Variants in REV3L observed in about 807,000 individuals in gnomAD.
The protein encoded by REV3L is DNA polymerase zeta catalytic subunit.
Under a neutral mutation model 299.4 loss-of-function variants are expected in REV3L, and 69 were observed. The observed-to-expected ratio is 0.23, with a 90% CI of 0.19 to 0.28. The LOEUF (loss-of-function observed/expected upper bound fraction) is 0.28. Among genes scored for constraint, REV3L ranks in the 10% least tolerant of loss-of-function variants. The pLI, the probability that REV3L is intolerant of heterozygous loss-of-function variation, is 1.00. For missense variants in REV3L, 3,128 were observed against 3,693.8 expected, an observed-to-expected ratio of 0.85 and a Z score of 3.97; for synonymous variants, 1,238 against 1,271.4, an observed-to-expected ratio of 0.97 and a Z score of 0.56.
At position 111,372,809 on chromosome 6, in the gene REV3L, G is replaced by A. The variant is rs1229976261; in HGVS notation, c.5546C>T (p.Thr1849Ile). Reference protein sequence around the residue: ...LYVSRNNDMLTPTPDSSPRST... With the variant: ...LYVSRNNDMLIPTPDSSPRST... ...TCTTGGTGAACTATCAGGAGTTGGTGTCAACATATCATTGTTTCTTGAAAC... is the reference window on the plus strand; with the variant it reads ...TCTTGGTGAACTATCAGGAGTTGGTATCAACATATCATTGTTTCTTGAAAC... Residue 1849 changes from threonine (T) to isoleucine (I), a missense_variant, in exon 13 of 32, where the codon ACA (threonine) becomes ATA (isoleucine). Thr to Ile is a moderately conservative substitution (Grantham distance 89). This residue lies in a region of REV3L where 2,409 missense variants were observed against 2,611.8 expected (regional missense o/e 0.92). Coordinates refer to ENST00000368802, the MANE Select transcript of REV3L (RefSeq NM_001372078.1). The A allele has an allele frequency of 6.2e-7, 1 of 1,613,624 alleles. No homozygotes were observed. Among genetic ancestry groups the A allele is most frequent in the Non-Finnish European group, 8.5e-7 (1 of 1,179,750 alleles).
chr6:111,311,096 G>A lies in REV3L; in HGVS notation c.8768C>T (p.Ala2923Val), dbSNP rs1772923341. 1.2e-6 allele frequency: 2 copies of A among 1,613,424 alleles called. No homozygotes were observed. The highest frequency in any genetic ancestry group is 1.7e-6 in the Non-Finnish European group (2 of 1,179,756). ...TGTAAGTTCAAGGGCTGGCACACAAGCTCCTGGTTTATAAGAAAAACTTCC... is the reference window on the plus strand; with the variant it reads ...TGTAAGTTCAAGGGCTGGCACACAAACTCCTGGTTTATAAGAAAAACTTCC... ...YRGSFSYKPGACVPALELTRK... is the reference protein window; with the variant it reads ...YRGSFSYKPGVCVPALELTRK... The change falls in exon 29 of 32, where the codon GCT (alanine) becomes GTT (valine). Residue 2923 changes from alanine (A) to valine (V), a missense_variant. By Grantham distance (64) the Ala-to-Val change is moderately conservative. Coordinates refer to ENST00000368802, the MANE Select transcript of REV3L (RefSeq NM_001372078.1).
At chr6:111,384,215 C>A (rs1032963277) in intron 9 of REV3L, among the ~76,000 whole-genome samples, 93 of 152,042 alleles carry the variant, frequency 6.1e-4, no homozygotes, top group African/African-American at 2.2e-3. Flanking sequence ...GGGAAATATC[C>A]CCAAAGCACA....
At chr6:111,404,456 T>A (rs956764732) in intron 4 of REV3L, among the ~76,000 whole-genome samples, 11 of 152,198 alleles carry the variant, frequency 7.2e-5, no homozygotes, top group African/African-American at 2.4e-4. Context: ...AGCCCATGGG[T>A]CAAAGAGTAA....
chr6:111,461,796 A>T (rs1325190056), intron 1 of REV3L, among the ~76,000 whole-genome samples: 2 of 152,196 alleles, frequency 1.3e-5, no homozygotes, highest in East Asian at 3.9e-4. Flanking sequence ...ATAAATAAGC[A>T]AACCGCGGAG....
At chr6:111,426,244 G>C (rs577468731) in intron 1 of REV3L, among the ~76,000 whole-genome samples, 2 of 152,216 alleles carry the variant, frequency 1.3e-5, no homozygotes, top group African/African-American at 4.8e-5. Context: ...AGAAAACCGA[G>C]AATTTGTTAC....
intron 2 of REV3L, among the ~76,000 whole-genome samples, chr6:111,412,602 A>G (rs1784357479): frequency 1.3e-5 from 2 of 152,128 alleles, no homozygotes; most frequent in South Asian, 2.1e-4. Context: ...TATGACAGGC[A>G]GCAGATAATA....
chr6:111,357,920 A>ACCCT (rs1184160637), intron 17 of REV3L, among the ~76,000 whole-genome samples: 1 of 148,956 alleles, frequency 6.7e-6, no homozygotes, highest in Non-Finnish European at 1.5e-5. Context: ...ACTGATTTCC[A>ACCCT]ACTGCCAAAG....
intron 1 of REV3L, chr6:111,431,700 G>T: frequency 1.0e-6 from 1 of 959,816 alleles, no homozygotes. Context: ...CCCCCGTCAT[G>T]GAAAACAACT....
chr6:111,445,348 CA>C (rs1330743157), intron 1 of REV3L, among the ~76,000 whole-genome samples: 2 of 152,024 alleles, frequency 1.3e-5, no homozygotes, highest in Non-Finnish European at 2.9e-5. Context: ...ACCCATGTAA[CA>C]AACCTGAATA....
At chr6:111,450,441 T>C (rs1001980113) in intron 1 of REV3L, among the ~76,000 whole-genome samples, 2 of 127,116 alleles carry the variant, frequency 1.6e-5, no homozygotes, top group Non-Finnish European at 3.1e-5. Context: ...CTTGTGCCAT[T>C]GCACTCCAGC....
chr6:111,315,089 A>G (rs1394461637), intron 27 of REV3L, among the ~76,000 whole-genome samples, 178 bp downstream of exon 27: 1 of 151,910 alleles, frequency 6.6e-6, no homozygotes, highest in Non-Finnish European at 1.5e-5. Flanking sequence ...GTCTCAAGCA[A>G]CCCTCCTGCT....
chr6:111,390,029 C>CG (rs11376056), intron 6 of REV3L, 57 bp downstream of exon 6: 966,697 of 1,260,538 alleles, frequency 0.77, 380,311 homozygotes, highest in Non-Finnish European at 0.82. Flanking sequence ...CCACCACACC[C>CG]GCCGGTCATT....
In REV3L at chr6:111,405,633, A is replaced by G; in HGVS notation, c.405-3T>C. Reference sequence around the variant, plus strand: ...CGCTTTGCAAAAGTTCACATATCCTAAATTAGAAAAAAAAAGTTTTATCAT... The same window carrying G: ...CGCTTTGCAAAAGTTCACATATCCTGAATTAGAAAAAAAAAGTTTTATCAT... On this transcript the variant is annotated splice_polypyrimidine_tract_variant and splice_region_variant and intron_variant, in intron 3 of 31. Coordinates refer to ENST00000368802, the MANE Select transcript of REV3L (RefSeq NM_001372078.1). The G allele has an allele frequency of 1.3e-6, 2 of 1,568,042 alleles. No homozygotes were observed. Among genetic ancestry groups the G allele is most frequent in the East Asian group, 4.6e-5 (2 of 43,912 alleles).
intron 3 of REV3L, among the ~76,000 whole-genome samples, chr6:111,405,989 C>G (rs756812030): frequency 6.6e-6 from 1 of 151,992 alleles, no homozygotes; most frequent in Non-Finnish European, 1.5e-5. Context: ...TACTTATAAT[C>G]CCACCACTCA....
intron 31 of REV3L, among the ~76,000 whole-genome samples, chr6:111,306,878 C>T (rs1031032647): frequency 7.2e-5 from 11 of 152,222 alleles, no homozygotes; most frequent in East Asian, 1.9e-4. Context: ...TTATTTGAAA[C>T]GCTTAAGACC....
At chr6:111,449,082 C>T (rs1026648298) in intron 1 of REV3L, among the ~76,000 whole-genome samples, 6 of 152,074 alleles carry the variant, frequency 3.9e-5, no homozygotes, top group African/African-American at 1.4e-4. Context: ...ACTTTAAAAA[C>T]GAGTAGGCAG....
At chr6:111,310,173 A>C in intron 29 of REV3L, 74 bp from the exon 30 acceptor site, 3 of 1,444,420 alleles carry the variant, frequency 2.1e-6, no homozygotes, top group Non-Finnish European at 2.8e-6. Context: ...ATTAAGTCAG[A>C]ATTAAACAAT....
chr6:111,377,729 C>A lies in REV3L; in HGVS notation c.1569G>T (p.Gln523His). 6.2e-7 allele frequency: 1 copy of A among 1,613,556 alleles called. No homozygotes were observed. The highest frequency in any genetic ancestry group is 8.5e-7 in the Non-Finnish European group (1 of 1,179,818). Residue 523 changes from glutamine to histidine, a missense_variant, in exon 12 of 32, where the codon CAG becomes CAT. Physicochemically the swap from Gln to His is conservative, Grantham distance 24. Around this residue, in one of 9 missense-constraint regions of REV3L, gnomAD observed 2,409 missense variants for 2,611.8 expected, o/e 0.92. Transcript: ENST00000368802. The part of the protein sequence containing the change: ...SLLLASLSIP[Q>H]LDGTADENSD... ...TATTTTCATCTGCAGTTCCATCTAA[C>A]TGAGGTATAGAAAGACTGGCTAGAA...
chr6:111,450,695 A>C (rs1421634002), intron 1 of REV3L, among the ~76,000 whole-genome samples: 1 of 152,126 alleles, frequency 6.6e-6, no homozygotes, highest in Non-Finnish European at 1.5e-5. Context: ...GAGAGGAAGA[A>C]AGTAATGAGA....
Sources: gnomAD v4.1 joint callset for allele counts (sites outside exome capture counted in the v4.1 genomes callset) on GRCh38, gnomAD v4.1.1 for gene constraint, gnomAD v4.1.1 regional missense constraint, MANE v1.5 for transcripts, NCBI Gene and HGNC (gene_info 2026-07-23, HGNC 2026-07-21) for gene names.